Variants in TMEM273 observed in about 807,000 individuals in gnomAD.
TMEM273 encodes the protein chromosome 10 open reading frame 128.
A neutral mutation model predicts 17.9 loss-of-function variants in TMEM273; 19 were observed. The observed-to-expected ratio is 1.06, with a 90% CI of 0.74 to 1.55. The LOEUF (loss-of-function observed/expected upper bound fraction) is 1.55, where lower values mean the gene tolerates loss of function less well. Among genes scored for constraint, TMEM273 ranks in the 40% most tolerant of loss-of-function variants. The pLI, the probability that TMEM273 is intolerant of heterozygous loss-of-function variation, is 0.00. For missense variants in TMEM273, 194 were observed against 155.6 expected, an observed-to-expected ratio of 1.25 and a Z score of -1.31; for synonymous variants, 66 against 62.0, an observed-to-expected ratio of 1.07 and a Z score of -0.31.
At chr10:49,178,084 G>A in intron 1 of TMEM273, 1 of 420,814 alleles carries the variant, frequency 2.4e-6, no homozygotes. Context: ...CTGGGGCACT[G>A]CAGCCAGGCA....
chr10:49,169,962 G>A (rs1846447080), intron 1 of TMEM273, among the ~76,000 whole-genome samples: 1 of 152,224 alleles, frequency 6.6e-6, no homozygotes, highest in Admixed American at 6.5e-5. Context: ...TCAGTGGGTG[G>A]GGCCAGACCC....
intron 6 of TMEM273, among the ~76,000 whole-genome samples, chr10:49,158,362 A>G (rs1022407229): frequency 2.0e-5 from 3 of 152,082 alleles, no homozygotes; most frequent in Non-Finnish European, 2.9e-5. Context: ...CAAAAGCCCA[A>G]TAACCAAAAA....
chr10:49,174,158 C>A (rs965009584), intron 1 of TMEM273, among the ~76,000 whole-genome samples: 1 of 152,246 alleles, frequency 6.6e-6, no homozygotes, highest in Non-Finnish European at 1.5e-5. Flanking sequence ...TGCTACCCTG[C>A]AATGTTAGTG....
At chr10:49,173,772 C>A (rs1040497644) in intron 1 of TMEM273, among the ~76,000 whole-genome samples, 6 of 152,186 alleles carry the variant, frequency 3.9e-5, no homozygotes, top group Non-Finnish European at 8.8e-5. Flanking sequence ...GAGTGTTAAA[C>A]CAGAAATGGC....
At chr10:49,167,771 C>T in intron 2 of TMEM273, 138 bp downstream of exon 2, 1 of 1,060,738 alleles carries the variant, frequency 9.4e-7, no homozygotes, top group Non-Finnish European at 1.4e-6. Context: ...CTCTGGGGGA[C>T]CTGGAGGTGA....
rs543163548 is a variant in TMEM273, at chr10:49,155,382, C to G, written c.*510G>C. On this transcript the variant is annotated 3_prime_UTR_variant, in exon 7 of 7. Coordinates refer to ENST00000374153, the MANE Select transcript of TMEM273 (RefSeq NM_001288740.3). ...AGGGCTAGAGACCATCCCGGAGTCC[C>G]CATGTTTCAGGACTCCCGAATCTTC... is the stretch of plus-strand genomic sequence containing the variant. 5.8e-6 allele frequency: 1 copy of G among 173,148 alleles called. No individual in the cohort carries two copies. The highest frequency in any genetic ancestry group is 1.2e-5 in the Non-Finnish European group (1 of 80,884). The allele number at this position is 173,148 out of a possible 1,614,324, so 10.7% of individuals were successfully genotyped here.
At chr10:49,165,700 G>A in intron 4 of TMEM273, 66 bp downstream of exon 4, 1 of 1,597,924 alleles carries the variant, frequency 6.3e-7, no homozygotes. Flanking sequence ...ACAGGCAAGG[G>A]AGTGGCACGG....
chr10:49,156,355 C>G, intron 6 of TMEM273: 4 of 1,123,552 alleles, frequency 3.6e-6, no homozygotes, highest in Non-Finnish European at 4.7e-6. Flanking sequence ...TGAGACTTCT[C>G]TGTGCTTGGT....
intron 1 of TMEM273, 136 bp from the exon 2 acceptor site, chr10:49,168,098 G>A (rs1846316454): frequency 2.0e-6 from 2 of 1,024,010 alleles, no homozygotes; most frequent in Non-Finnish European, 2.9e-6. Context: ...TTGCCATGGA[G>A]TGTCTTGGAG....
At chr10:49,174,726 G>A (rs907776517) in intron 1 of TMEM273, among the ~76,000 whole-genome samples, 2 of 152,088 alleles carry the variant, frequency 1.3e-5, no homozygotes, top group African/African-American at 4.8e-5. Context: ...GGTATGAGGG[G>A]GACTCTGGGA....
intron 5 of TMEM273, among the ~76,000 whole-genome samples, chr10:49,162,110 A>T (rs900305031): frequency 6.6e-6 from 1 of 152,222 alleles, no homozygotes; most frequent in African/African-American, 2.4e-5. Flanking sequence ...AAAATAACCC[A>T]GAACTTCCAA....
At chr10:49,169,342 A>C (rs1846403525) in intron 1 of TMEM273, among the ~76,000 whole-genome samples, 1 of 152,182 alleles carries the variant, frequency 6.6e-6, no homozygotes, top group Non-Finnish European at 1.5e-5. Flanking sequence ...CCTCCACCCA[A>C]CCCTGTCTGC....
In TMEM273 at chr10:49,155,952, A is replaced by T. The variant is rs759372169; in HGVS notation, c.373-43T>A. On this transcript the variant is annotated intron_variant, in intron 6 of 6. Coordinates refer to ENST00000374153, the MANE Select transcript of TMEM273 (RefSeq NM_001288740.3). ...CATCTGGAAGACTTATTGAGAGAGC[A>T]ACTATACTCTAATGATTGCATGTGT... is the stretch of plus-strand genomic sequence containing the variant. The T allele has an allele frequency of 9.3e-6, 15 of 1,613,680 alleles. 1 individual carries two copies. The Admixed American group carries it at 1.0e-4, about 11-fold the overall frequency.
At chr10:49,166,097 T>G (rs1420908166) in intron 3 of TMEM273, among the ~76,000 whole-genome samples, 1 of 152,220 alleles carries the variant, frequency 6.6e-6, no homozygotes, top group Non-Finnish European at 1.5e-5. Flanking sequence ...CTTCTGCTTA[T>G]CTTCACGGAT....
In TMEM273 at chr10:49,167,095, G is replaced by A. The variant is rs1590204321; in HGVS notation, c.98-86C>T. 5 of 1,544,928 alleles carry A rather than the reference G, an allele frequency of 3.2e-6. No individual in the cohort carries two copies. In the East Asian group the frequency reaches 6.9e-5, roughly 21 times the overall value. On this transcript the variant is annotated intron_variant, in intron 2 of 6. Coordinates refer to ENST00000374153, the MANE Select transcript of TMEM273 (RefSeq NM_001288740.3). ...CAGATGAGGTCCAAAGCATGCATGTGGCCCTTAACACACCACCTCCCACTG... is the reference window on the plus strand; with the variant it reads ...CAGATGAGGTCCAAAGCATGCATGTAGCCCTTAACACACCACCTCCCACTG...
chr10:49,162,963 G>C (rs1051255196), intron 5 of TMEM273, among the ~76,000 whole-genome samples: 5 of 152,224 alleles, frequency 3.3e-5, no homozygotes, highest in African/African-American at 1.2e-4. Flanking sequence ...GGGAGATGCT[G>C]ACTCAGCGCC....
chr10:49,170,843 A>C (rs1325266554), intron 1 of TMEM273, among the ~76,000 whole-genome samples: 1 of 152,138 alleles, frequency 6.6e-6, no homozygotes, highest in Non-Finnish European at 1.5e-5. Flanking sequence ...CCACCCCTGC[A>C]TCCTGCTAGG....
At position 49,187,183 on chromosome 10, in the gene TMEM273, C is replaced by T. The variant is rs576082679; in HGVS notation, c.43+1111G>A. 6.6e-5 allele frequency among the ~76,000 whole-genome samples: 10 copies of T among 152,298 alleles called. No individual in the cohort carries two copies. The East Asian group carries it at 1.5e-3, about 23-fold the overall frequency. ...GGGCAGGCACACTGCATCTAACCACCGTGCACACCCTTAATCGCTGCTTGC... is the reference window on the plus strand; with the variant it reads ...GGGCAGGCACACTGCATCTAACCACTGTGCACACCCTTAATCGCTGCTTGC... On this transcript the variant is annotated intron_variant, in intron 1 of 6. Coordinates refer to ENST00000374153, the MANE Select transcript of TMEM273 (RefSeq NM_001288740.3).
intron 4 of TMEM273, 66 bp from the exon 5 acceptor site, chr10:49,165,349 G>A: frequency 6.5e-7 from 1 of 1,549,784 alleles, no homozygotes. Flanking sequence ...GACCGTCCCT[G>A]AGGACGTGGG....
Sources: allele counts gnomAD v4.1 joint callset (sites outside exome capture counted in the v4.1 genomes callset), GRCh38; gene constraint gnomAD v4.1.1; transcripts MANE v1.5; gene names NCBI Gene and HGNC (gene_info 2026-07-23, HGNC 2026-07-21).